Variants in ZNF578 observed in about 807,000 individuals in gnomAD.
ZNF578 encodes Putative chemokine-related protein B42.
Under a neutral mutation model 8.3 loss-of-function variants are expected in ZNF578, and 8 were observed. That is an observed-to-expected ratio of 0.96 (90% CI 0.56 to 1.74). ZNF578 has a LOEUF of 1.74. Ranked by LOEUF, ZNF578 falls within the 40% of genes most tolerant of loss-of-function variation. ZNF578 has a pLI of 0.00. For synonymous variants in ZNF578, 206 were observed against 232.2 expected, an observed-to-expected ratio of 0.89 and a Z score of 1.03; for missense variants, 726 against 707.5, an observed-to-expected ratio of 1.03 and a Z score of -0.30.
chr19:52,467,258 G>T (rs2059278182), intron 2 of ZNF578, among the ~76,000 whole-genome samples: 1 of 152,012 alleles, frequency 6.6e-6, no homozygotes, highest in African/African-American at 2.4e-5. Context: ...TGATCTGCTG[G>T]CCTCAGCCTC....
chr19:52,484,159 C>CT (rs1189443214), intron 2 of ZNF578, among the ~76,000 whole-genome samples: 1 of 152,172 alleles, frequency 6.6e-6, no homozygotes, highest in Non-Finnish European at 1.5e-5. Context: ...AAGTGCTGTG[C>CT]TTTTGATGTG....
intron 2 of ZNF578, among the ~76,000 whole-genome samples, chr19:52,462,564 G>A (rs528935812): frequency 1.4e-4 from 21 of 152,272 alleles, no homozygotes; most frequent in East Asian, 3.9e-4. Flanking sequence ...AGCAATTACC[G>A]CAATCATAGC....
At chr19:52,470,012 G>A (rs896321225) in intron 2 of ZNF578, among the ~76,000 whole-genome samples, 1 of 152,136 alleles carries the variant, frequency 6.6e-6, no homozygotes, top group African/African-American at 2.4e-5. Context: ...TTGACATGGG[G>A]ATGTGTGGGA....
In ZNF578 at chr19:52,515,536, A is replaced by C. The variant is rs1417779299; in HGVS notation, c.*3382A>C. Among the ~76,000 whole-genome samples, 5 of 152,054 alleles carry C rather than the reference A, an allele frequency of 3.3e-5. No homozygotes were observed. The highest frequency in any genetic ancestry group is 1.2e-4 in the African/African-American group (5 of 41,396). On this transcript the variant is annotated 3_prime_UTR_variant, in exon 6 of 6. Coordinates refer to ENST00000421239, the MANE Select transcript of ZNF578 (RefSeq NM_001099694.2). ...AACCTTTGCCATTAGCCCTTCCAGG[A>C]CCCCATGTAAGACTTTAGACACCTT...
At chr19:52,467,200 G>A (rs1287060020) in intron 2 of ZNF578, among the ~76,000 whole-genome samples, 1 of 151,870 alleles carries the variant, frequency 6.6e-6, no homozygotes, top group East Asian at 1.9e-4. Context: ...TAGTTGAGAC[G>A]GGGTTTTGCC....
At chr19:52,458,661 A>G (rs1345544127) in intron 2 of ZNF578, 3 of 151,718 alleles carry the variant, frequency 2.0e-5, no homozygotes, top group African/African-American at 7.3e-5. Flanking sequence ...TTTCTTTCAT[A>G]TGCCCTGATG....
At chr19:52,486,155 T>C (rs1369096126) in intron 2 of ZNF578, among the ~76,000 whole-genome samples, 1 of 152,234 alleles carries the variant, frequency 6.6e-6, no homozygotes, top group Admixed American at 6.5e-5. Context: ...TACTGCTCTT[T>C]AAGGCATTGA....
chr19:52,467,720 A>G (rs2059279891), intron 2 of ZNF578, among the ~76,000 whole-genome samples: 1 of 152,236 alleles, frequency 6.6e-6, no homozygotes, highest in Admixed American at 6.5e-5. Flanking sequence ...ATTTATTGGA[A>G]GACTCAGCAT....
intron 2 of ZNF578, among the ~76,000 whole-genome samples, chr19:52,463,568 A>ATG (rs2059265356): frequency 1.2e-5 from 1 of 85,420 alleles, no homozygotes; most frequent in African/African-American, 3.5e-5. Context: ...TGAGTTATAT[A>ATG]GAAAAGAAAT....
chr19:52,490,090 G>C (rs1166859456), intron 2 of ZNF578, among the ~76,000 whole-genome samples: 1 of 152,050 alleles, frequency 6.6e-6, no homozygotes, highest in Non-Finnish European at 1.5e-5. Flanking sequence ...TGTTTTTATT[G>C]TGCAATTTGT....
chr19:52,492,088 T>C (rs1238959446), intron 3 of ZNF578, among the ~76,000 whole-genome samples: 3 of 138,864 alleles, frequency 2.2e-5, no homozygotes, highest in Non-Finnish European at 4.5e-5. Flanking sequence ...AACCCGGAAG[T>C]TGGAGCTTGC....
At chr19:52,483,186 C>G (rs1347532327) in intron 2 of ZNF578, among the ~76,000 whole-genome samples, 1 of 152,064 alleles carries the variant, frequency 6.6e-6, no homozygotes, top group Non-Finnish European at 1.5e-5. Flanking sequence ...AAGGCTGATG[C>G]AGGCAAATCA....
At chr19:52,509,038 A>AACG (rs2059435358) in intron 5 of ZNF578, among the ~76,000 whole-genome samples, 1 of 151,096 alleles carries the variant, frequency 6.6e-6, no homozygotes, top group Admixed American at 6.6e-5. Context: ...AGTAGCTGAG[A>AACG]TAACAGGCAC....
chr19:52,453,722 A>G (rs1044271595), intron 1 of ZNF578, 115 bp downstream of exon 1: 1 of 152,224 alleles, frequency 6.6e-6, no homozygotes, highest in Admixed American at 6.5e-5. Flanking sequence ...TCCTAGGTAT[A>G]TTAATACGTC....
chr19:52,459,088 A>C (rs558246843), intron 2 of ZNF578, among the ~76,000 whole-genome samples: 1 of 152,322 alleles, frequency 6.6e-6, no homozygotes, highest in East Asian at 1.9e-4. Context: ...TGCTAATAAG[A>C]ATTGGGTTTT....
At chr19:52,507,645 T>C (rs1000128919) in intron 5 of ZNF578, among the ~76,000 whole-genome samples, 8 of 152,218 alleles carry the variant, frequency 5.3e-5, no homozygotes, top group African/African-American at 1.9e-4. Flanking sequence ...TCAGCTAGAT[T>C]GGCTCCTGGT....
chr19:52,479,023 C>T (rs541280095), intron 2 of ZNF578, among the ~76,000 whole-genome samples: 7 of 151,926 alleles, frequency 4.6e-5, no homozygotes, highest in Admixed American at 1.3e-4. Context: ...TATTGATGAG[C>T]CCATTTTAAT....
intron 5 of ZNF578, among the ~76,000 whole-genome samples, chr19:52,509,408 C>G (rs2059436633): frequency 6.6e-6 from 1 of 152,026 alleles, no homozygotes; most frequent in South Asian, 2.1e-4. Context: ...TCATGGGTTA[C>G]AATATTTTAT....
At chr19:52,469,444 G>C (rs1193944635) in intron 2 of ZNF578, among the ~76,000 whole-genome samples, 1 of 152,102 alleles carries the variant, frequency 6.6e-6, no homozygotes, top group Non-Finnish European at 1.5e-5. Context: ...ACAGGTGTGA[G>C]CCACTGTGTC....
Sources: allele counts gnomAD v4.1 joint callset (sites outside exome capture counted in the v4.1 genomes callset), GRCh38; gene constraint gnomAD v4.1.1; transcripts MANE v1.5; gene names NCBI Gene and HGNC (gene_info 2026-07-23, HGNC 2026-07-21).